ZNF385D: variants seen among roughly 807,000 people sequenced by gnomAD.
ZNF385D encodes the protein zinc finger protein 659.
Under a neutral mutation model 35.8 loss-of-function variants are expected in ZNF385D, and 15 were observed. The observed-to-expected ratio is 0.42, with a 90% CI of 0.28 to 0.64. ZNF385D has a LOEUF of 0.64. Among genes scored for constraint, ZNF385D ranks in the 30% least tolerant of loss-of-function variants. The pLI, the probability that ZNF385D is intolerant of heterozygous loss-of-function variation, is 0.23. For missense variants in ZNF385D, 474 were observed against 494.6 expected (o/e 0.96, Z 0.39); for synonymous variants, 212 against 186.8 (o/e 1.13, Z -1.10).
intron 3 of ZNF385D, among the ~76,000 whole-genome samples, chr3:22,069,225 T>C (rs923381759): frequency 1.3e-5 from 2 of 152,206 alleles, no homozygotes; most frequent in Admixed American, 1.3e-4. Flanking sequence ...GAAAATGAGA[T>C]CACAGTGACT....
chr3:21,517,151 G>A (rs1707622743), intron 3 of ZNF385D, among the ~76,000 whole-genome samples: 2 of 151,796 alleles, frequency 1.3e-5, no homozygotes, highest in African/African-American at 4.8e-5. Context: ...TCAAAATGGA[G>A]TCACTTGTGA....
intron 3 of ZNF385D, among the ~76,000 whole-genome samples, chr3:21,876,173 C>A (rs1234051339): frequency 6.6e-6 from 1 of 151,552 alleles, no homozygotes; most frequent in Non-Finnish European, 1.5e-5. Context: ...AGCAAACAAA[C>A]AAACAAACAA....
At position 21,758,268 on chromosome 3, in the gene ZNF385D, G is replaced by C. The variant is rs1359324987; in HGVS notation, c.326-93240C>G. Among the ~76,000 whole-genome samples, 2 of 152,158 alleles carry C rather than the reference G, an allele frequency of 1.3e-5. 1 individual carries two copies. The highest frequency in any genetic ancestry group is 4.1e-4 in the South Asian group (2 of 4,824). ...GAAAATATTAGATGTTAATTCCTTG[G>C]CGGTTTCAACATATCCTAGAACATA... is the stretch of plus-strand genomic sequence containing the variant. On this transcript the variant is annotated intron_variant, in intron 3 of 5. Coordinates refer to the ZNF385D transcript ENST00000494108.
chr3:21,731,309 G>A (rs2068985729), intron 1 of ZNF385D, among the ~76,000 whole-genome samples: 1 of 152,072 alleles, frequency 6.6e-6, no homozygotes, highest in Non-Finnish European at 1.5e-5. Context: ...TTCTTTATAT[G>A]TAAGGTGTTT....
intron 3 of ZNF385D, among the ~76,000 whole-genome samples, chr3:22,017,116 A>G (rs1390202842): frequency 1.3e-5 from 2 of 152,098 alleles, no homozygotes; most frequent in African/African-American, 4.8e-5. Context: ...GTCAGATTTT[A>G]TATAGGTTAA....
intron 3 of ZNF385D, among the ~76,000 whole-genome samples, chr3:22,069,336 T>C (rs1052959034): frequency 2.0e-5 from 3 of 152,118 alleles, no homozygotes; most frequent in African/African-American, 7.2e-5. Context: ...ATCAAGCTCC[T>C]GGTAGAATAA....
At chr3:21,433,395 C>A (rs191900078) in intron 5 of ZNF385D, among the ~76,000 whole-genome samples, 43 of 152,268 alleles carry the variant, frequency 2.8e-4, no homozygotes, top group African/African-American at 1.0e-3. Context: ...ACAATTAGAA[C>A]TATTATTCGG....
chr3:22,289,359 T>C lies in ZNF385D; in HGVS notation c.106+83091A>G, dbSNP rs530082799. ...ACAATCTATTTGTGTGCTTGGTACATAGAAAAATTCCTTCCAGAGAGAATC... is the reference window on the plus strand; with the variant it reads ...ACAATCTATTTGTGTGCTTGGTACACAGAAAAATTCCTTCCAGAGAGAATC... On this transcript the variant is annotated intron_variant, in intron 2 of 5. Transcript: ENST00000494108. Among the ~76,000 whole-genome samples, 10 of 152,268 alleles carry C rather than the reference T, an allele frequency of 6.6e-5. No individual in the cohort carries two copies. In the South Asian group the frequency reaches 1.0e-3, roughly 16 times the overall value.
intron 3 of ZNF385D, among the ~76,000 whole-genome samples, chr3:22,119,095 G>T (rs1016727244): frequency 5.3e-5 from 8 of 151,966 alleles, no homozygotes; most frequent in Admixed American, 3.3e-4. Context: ...GTTCTACAGG[G>T]GCTACAAAGC....
At chr3:22,264,925 A>C (rs920824471) in intron 2 of ZNF385D, among the ~76,000 whole-genome samples, 20 of 151,994 alleles carry the variant, frequency 1.3e-4, no homozygotes, top group African/African-American at 4.6e-4. Flanking sequence ...GCAGCCCTCT[A>C]ATCTGGGTTC....
intron 3 of ZNF385D, among the ~76,000 whole-genome samples, chr3:21,779,185 A>G (rs1353513970): frequency 1.3e-5 from 2 of 151,980 alleles, no homozygotes; most frequent in Non-Finnish European, 2.9e-5. Flanking sequence ...AGCCACAGAC[A>G]TCAGTGTCAT....
intron 3 of ZNF385D, among the ~76,000 whole-genome samples, chr3:22,104,122 A>C (rs1167664161): frequency 6.6e-6 from 1 of 152,088 alleles, no homozygotes; most frequent in Non-Finnish European, 1.5e-5. Flanking sequence ...GTATTATTCA[A>C]GTTGGAGACA....
At chr3:22,045,340 G>T (rs1434010117) in intron 3 of ZNF385D, among the ~76,000 whole-genome samples, 5 of 152,038 alleles carry the variant, frequency 3.3e-5, no homozygotes, top group Non-Finnish European at 7.4e-5. Flanking sequence ...CATAATAAAA[G>T]CATGGAAATA....
chr3:22,308,319 TTTC>T (rs1261396747), intron 2 of ZNF385D, among the ~76,000 whole-genome samples: 2 of 152,210 alleles, frequency 1.3e-5, no homozygotes, highest in East Asian at 1.9e-4. Flanking sequence ...AAATCCATAA[TTTC>T]TTAATATAAA....
chr3:21,627,286 T>TGTGTGTGTGA (rs57761954), intron 2 of ZNF385D, among the ~76,000 whole-genome samples: 1 of 144,524 alleles, frequency 6.9e-6, no homozygotes, highest in African/African-American at 2.5e-5. Flanking sequence ...TGTGTGTGTG[T>TGTGTGTGTGA]GAATTACTAC....
Position 21,747,805 on chromosome 3 carries a change from C to A in ZNF385D, c.22+3090G>T, listed in dbSNP as rs553594326. Among the ~76,000 whole-genome samples, 5 of 152,336 alleles carry A rather than the reference C, an allele frequency of 3.3e-5. No individual in the cohort carries two copies. The East Asian group carries it at 5.8e-4, about 18-fold the overall frequency. On this transcript the variant is annotated intron_variant, in intron 1 of 7. Transcript: ENST00000281523. ...CCACCCACAGCCTCTCTTCCTTAAT[C>A]TAGGGAGAAGTCTCCCAGCTGCCTT...
At chr3:22,217,674 T>C (rs1024014131) in intron 2 of ZNF385D, among the ~76,000 whole-genome samples, 1 of 152,154 alleles carries the variant, frequency 6.6e-6, no homozygotes, top group Non-Finnish European at 1.5e-5. Flanking sequence ...CTAAGGTACA[T>C]TACATGTTAT....
chr3:21,806,113 G>T (rs749484466), intron 3 of ZNF385D, among the ~76,000 whole-genome samples: 1 of 151,932 alleles, frequency 6.6e-6, no homozygotes, highest in African/African-American at 2.4e-5. Flanking sequence ...GTACTCAAGT[G>T]GTGCTTGCCT....
At chr3:22,035,137 T>C (rs1321409647) in intron 3 of ZNF385D, among the ~76,000 whole-genome samples, 3 of 152,180 alleles carry the variant, frequency 2.0e-5, no homozygotes, top group Non-Finnish European at 4.4e-5. Flanking sequence ...AAAGTGAACA[T>C]AAAATGTTCT....
Sources: allele counts gnomAD v4.1 joint callset (sites outside exome capture counted in the v4.1 genomes callset), GRCh38; gene constraint gnomAD v4.1.1; transcripts MANE v1.5; gene names NCBI Gene and HGNC (gene_info 2026-07-23, HGNC 2026-07-21).